The following KHK variants were observed in gnomAD, a reference collection of about 807,000 sequenced individuals.
KHK encodes the protein ketohexokinase.
A neutral mutation model predicts 36.0 loss-of-function variants in KHK; 37 were observed. The ratio of observed to expected loss-of-function variants is 1.03; its 90% CI spans 0.79 to 1.35. The LOEUF (loss-of-function observed/expected upper bound fraction) is 1.35. Among genes scored for constraint, KHK ranks in the 40% most tolerant of loss-of-function variants. The pLI is 0.00. For missense variants in KHK, 395 were observed against 391.9 expected (o/e 1.01, Z -0.07); for synonymous variants, 161 against 162.8 (o/e 0.99, Z 0.08).
chr2:27,094,898 A>C lies in KHK; in HGVS notation c.308A>C (p.Asn103Thr). ...CCCAGCTCCTGCTGCATCATCAACAACTCCAATGGCAACCGTACCATTGTG... is the reference window on the plus strand; with the variant it reads ...CCCAGCTCCTGCTGCATCATCAACACCTCCAATGGCAACCGTACCATTGTG... ...DTPSSCCIINNSNGNRTIVLH... is the reference protein window; with the variant it reads ...DTPSSCCIINTSNGNRTIVLH... The change falls in exon 3 of 8, where the codon AAC becomes ACC. Residue 103 changes from asparagine to threonine, a missense_variant. Asn to Thr is a moderately conservative substitution (Grantham distance 65, BLOSUM62 0). Transcript: ENST00000260598. 6.2e-7 allele frequency: 1 copy of C among 1,613,488 alleles called. No homozygotes were observed. Among genetic ancestry groups the C allele is most frequent in the Non-Finnish European group, 8.5e-7 (1 of 1,179,910 alleles).
At chr2:27,096,359 C>T (rs1016855696) in intron 3 of KHK, among the ~76,000 whole-genome samples, 3 of 152,162 alleles carry the variant, frequency 2.0e-5, no homozygotes, top group Non-Finnish European at 4.4e-5. Context: ...GGGCTTTATA[C>T]TTTCCCAGGG....
intron 1 of KHK, among the ~76,000 whole-genome samples, chr2:27,090,432 C>CT (rs200516077): frequency 7.3e-6 from 1 of 137,344 alleles, no homozygotes; most frequent in Non-Finnish European, 1.6e-5. Flanking sequence ...GCTTGAAAAT[C>CT]TTTTTTTTCT....
At chr2:27,089,817 C>T (rs557264248) in intron 1 of KHK, among the ~76,000 whole-genome samples, 4 of 152,292 alleles carry the variant, frequency 2.6e-5, no homozygotes, top group East Asian at 1.9e-4. Flanking sequence ...TCTTGGGAGC[C>T]GCCACCTGGA....
Position 27,094,765 on chromosome 2 carries a change from C to T in KHK, c.210-35C>T, listed in dbSNP as rs774599729. The T allele has an allele frequency of 5.0e-6, 8 of 1,614,050 alleles. No individual in the cohort carries two copies. In the Admixed American group the frequency reaches 1.2e-4, roughly 24 times the overall value. On this transcript the variant is annotated intron_variant, in intron 2 of 7. Coordinates refer to ENST00000260598, the MANE Select transcript of KHK (RefSeq NM_006488.3). ...CACTTCCAGGCTCTAATCTGTGTCT[C>T]CTTGCCCTTTTCCTGGCCCGGCCTC... is the stretch of plus-strand genomic sequence containing the variant.
intron 5 of KHK, among the ~76,000 whole-genome samples, chr2:27,098,616 GTTTTGTT>G (rs1178532629): frequency 3.3e-5 from 5 of 152,114 alleles, no homozygotes; most frequent in Admixed American, 1.3e-4. Flanking sequence ...AGGCTTCGGT[GTTTTGTT>G]TTTTGTTTTT....
chr2:27,097,815 T>C (rs1246506264), intron 5 of KHK, among the ~76,000 whole-genome samples, 166 bp downstream of exon 5: 1 of 152,236 alleles, frequency 6.6e-6, no homozygotes, highest in Non-Finnish European at 1.5e-5. Context: ...ACCCCTAGCC[T>C]TGGGCTCCAG....
At chr2:27,090,622 T>G (rs1039157571) in intron 1 of KHK, among the ~76,000 whole-genome samples, 2 of 151,688 alleles carry the variant, frequency 1.3e-5, no homozygotes, top group African/African-American at 4.8e-5. Flanking sequence ...ACCCGGCTCA[T>G]TTTTGTATTT....
At chr2:27,087,526 G>T (rs1669732884) in intron 1 of KHK, among the ~76,000 whole-genome samples, 175 bp downstream of exon 1, 1 of 152,244 alleles carries the variant, frequency 6.6e-6, no homozygotes, top group South Asian at 2.1e-4. Flanking sequence ...CAGAAGAGAG[G>T]AAGGAATTGA....
Position 27,099,298 on chromosome 2 carries a change from G to T in KHK, c.653+14G>T. 1 of 1,613,998 alleles carries T rather than the reference G, an allele frequency of 6.2e-7. No homozygotes were observed. The highest frequency in any genetic ancestry group is 8.5e-7 in the Non-Finnish European group (1 of 1,179,928). Reference sequence around the variant, plus strand: ...TGTGAGGAAAGGGTGAGCCGGGGAAGCCAGGAAGGGGCTTTAGAAGGTACA... The same window carrying T: ...TGTGAGGAAAGGGTGAGCCGGGGAATCCAGGAAGGGGCTTTAGAAGGTACA... On this transcript the variant is annotated intron_variant, in intron 6 of 7. Coordinates refer to ENST00000260598, the MANE Select transcript of KHK (RefSeq NM_006488.3).
At chr2:27,098,046 T>C (rs989429925) in intron 5 of KHK, among the ~76,000 whole-genome samples, 1 of 152,002 alleles carries the variant, frequency 6.6e-6, no homozygotes, top group East Asian at 1.9e-4. Flanking sequence ...TGGCAGGTTG[T>C]GGGGGCTGCT....
At chr2:27,094,612 G>A (rs761142964) in intron 2 of KHK, 188 bp from the exon 3 acceptor site, 4 of 1,613,956 alleles carry the variant, frequency 2.5e-6, no homozygotes, top group African/African-American at 1.3e-5. Flanking sequence ...ACTATGACAG[G>A]TTTGTACAAC....
chr2:27,090,452 C>CTTTTTTTTTTTTTTTTTTTTTTTTTTTTT (rs559420015), intron 1 of KHK, among the ~76,000 whole-genome samples: 1 of 110,128 alleles, frequency 9.1e-6, no homozygotes, highest in Non-Finnish European at 1.8e-5. Context: ...TTTTTTCTTT[C>CTTTTTTTTTTTTTTTTTTTTTTTTTTTTT]TTTTTTTTTT....
Position 27,099,712 on chromosome 2 carries a change from A to C in KHK, c.859A>C (p.Lys287Gln), listed in dbSNP as rs1262799763. 1.9e-6 allele frequency: 3 copies of C among 1,613,992 alleles called. No individual in the cohort carries two copies. Among genetic ancestry groups the C allele is most frequent in the East Asian group, 4.5e-5 (2 of 44,872 alleles). ...ALRFGCQVAGKKCGLQGFDGI... is the reference protein window; with the variant it reads ...ALRFGCQVAGQKCGLQGFDGI... Reference sequence around the variant, plus strand: ...GAGATTCGGGTGCCAGGTGGCCGGCAAGAAGTGTGGCCTGCAGGGCTTTGA... The same window carrying C: ...GAGATTCGGGTGCCAGGTGGCCGGCCAGAAGTGTGGCCTGCAGGGCTTTGA... Residue 287 changes from lysine to glutamine, a missense_variant, in exon 8 of 8, where the codon AAG becomes CAG. By Grantham distance (53) the Lys-to-Gln change is moderately conservative. Transcript: ENST00000260598.
intron 1 of KHK, among the ~76,000 whole-genome samples, chr2:27,088,562 G>A (rs778007389): frequency 6.6e-6 from 1 of 152,136 alleles, no homozygotes; most frequent in Non-Finnish European, 1.5e-5. Context: ...ATAGGCATAC[G>A]CCACCATGCC....
Position 27,099,299 on chromosome 2 carries a change from C to A in KHK, c.653+15C>A. The A allele has an allele frequency of 6.2e-7, 1 of 1,613,734 alleles. No homozygotes were observed. The highest frequency in any genetic ancestry group is 8.5e-7 in the Non-Finnish European group (1 of 1,179,748). ...GTGAGGAAAGGGTGAGCCGGGGAAGCCAGGAAGGGGCTTTAGAAGGTACAG... is the reference window on the plus strand; with the variant it reads ...GTGAGGAAAGGGTGAGCCGGGGAAGACAGGAAGGGGCTTTAGAAGGTACAG... On this transcript the variant is annotated intron_variant, in intron 6 of 7. Transcript: ENST00000260598.
intron 5 of KHK, among the ~76,000 whole-genome samples, chr2:27,098,290 G>A (rs569395622): frequency 8.5e-5 from 13 of 152,190 alleles, no homozygotes; most frequent in African/African-American, 2.6e-4. Flanking sequence ...GGAAGCTGAG[G>A]TAGGAGGATT....
chr2:27,099,180 C>A lies in KHK; in HGVS notation c.565-16C>A. 1.2e-6 allele frequency: 2 copies of A among 1,613,724 alleles called. No homozygotes were observed. The highest frequency in any genetic ancestry group is 1.1e-5 in the South Asian group (1 of 91,012). ...GAGTTAGAAGTGACCACCAGCTTCTCTTCCACTGCCCACAGGTGTTTGTCA... is the reference window on the plus strand; with the variant it reads ...GAGTTAGAAGTGACCACCAGCTTCTATTCCACTGCCCACAGGTGTTTGTCA... On this transcript the variant is annotated splice_polypyrimidine_tract_variant and intron_variant, in intron 5 of 7. Transcript: ENST00000260598.
chr2:27,099,856 A>C lies in KHK; in HGVS notation c.*106A>C. 2 of 1,552,564 alleles carry C rather than the reference A, an allele frequency of 1.3e-6. No individual in the cohort carries two copies. Among genetic ancestry groups the C allele is most frequent in the Non-Finnish European group, 8.7e-7 (1 of 1,148,310 alleles). ...CCAGGTTGCCCTGTTCAGGGGACAG[A>C]TGCAAGCTGTGGGGAGGACTCTGCC... On this transcript the variant is annotated 3_prime_UTR_variant, in exon 8 of 8. Transcript: ENST00000260598.
At position 27,087,222 on chromosome 2, in the gene KHK, C is replaced by T. The variant is rs773753106; in HGVS notation, c.-38C>T. Reference sequence around the variant, plus strand: ...AAGAGGCAGAGGCCGGGAGGAACCCCGTCAGCCGGGCGGGCAGGAAGCTCT... The same window carrying T: ...AAGAGGCAGAGGCCGGGAGGAACCCTGTCAGCCGGGCGGGCAGGAAGCTCT... On this transcript the variant is annotated 5_prime_UTR_variant, in exon 1 of 8. Transcript: ENST00000260598. The T allele has an allele frequency of 3.9e-6, 6 of 1,531,018 alleles. No homozygotes were observed. The highest frequency in any genetic ancestry group is 2.4e-5 in the East Asian group (1 of 41,356). The allele number at this position is 1,531,018 out of a possible 1,614,324, so 94.8% of individuals were successfully genotyped here. A position where few individuals can be genotyped will look rare whatever the true frequency, so the allele number is the denominator to read the frequency against.
Sources: allele counts gnomAD v4.1 joint callset (sites outside exome capture counted in the v4.1 genomes callset), GRCh38; gene constraint gnomAD v4.1.1; transcripts MANE v1.5; gene names NCBI Gene and HGNC (gene_info 2026-07-23, HGNC 2026-07-21).